Variants in ANKRD28 observed in about 807,000 individuals in gnomAD.
ANKRD28 encodes the protein ankyrin repeat domain 28.
In ANKRD28, 44 loss-of-function variants were observed where a neutral mutation model predicts 126.5. The ratio of observed to expected loss-of-function variants is 0.35; its 90% CI spans 0.27 to 0.45. The LOEUF (loss-of-function observed/expected upper bound fraction) is 0.45. Ranked by LOEUF, ANKRD28 falls within the 20% of genes least tolerant of loss-of-function variation. The pLI is 1.00. For synonymous variants in ANKRD28, 442 were observed against 468.5 expected, an observed-to-expected ratio of 0.94 and a Z score of 0.73; for missense variants, 1,110 against 1,316.6, an observed-to-expected ratio of 0.84 and a Z score of 2.43.
At chr3:15,706,522 C>T (rs145960089) in intron 14 of ANKRD28, among the ~76,000 whole-genome samples, 6,608 of 152,198 alleles carry the variant, frequency 0.043, 390 homozygotes, top group African/African-American at 0.14. Flanking sequence ...CAAGTCTTTG[C>T]TATTGTGAAT....
In ANKRD28 at chr3:15,796,643, G is replaced by GTTTT. The variant is rs34139082; in HGVS notation, c.-126_-123dup. 6.5e-4 allele frequency: 593 copies of GTTTT among 909,304 alleles called. No homozygotes were observed. The highest frequency in any genetic ancestry group is 7.3e-4 in the Non-Finnish European group (558 of 761,576). The allele number at this position is 909,304 out of a possible 1,614,324, so 56.3% of individuals were successfully genotyped here. ...AACATTCTCTGAACAGCACAGCTGG[G>GTTTT]TTTTTTTTTTTTTTAAAGTTAATAA... On this transcript the variant is annotated 5_prime_UTR_variant, in exon 1 of 28. Transcript: ENST00000683139.
chr3:15,808,113 A>G (rs1270873873), intron 1 of ANKRD28, among the ~76,000 whole-genome samples: 1 of 152,232 alleles, frequency 6.6e-6, no homozygotes, highest in Non-Finnish European at 1.5e-5. Context: ...ACTGGATTCT[A>G]ACCCAGACCC....
chr3:15,723,335 T>G (rs2073918569), intron 7 of ANKRD28, among the ~76,000 whole-genome samples: 1 of 152,244 alleles, frequency 6.6e-6, no homozygotes, highest in Non-Finnish European at 1.5e-5. Flanking sequence ...GGCTATCACC[T>G]ACTTTTCTTA....
At chr3:15,716,444 A>G (rs2073059207) in intron 8 of ANKRD28, among the ~76,000 whole-genome samples, 1 of 151,730 alleles carries the variant, frequency 6.6e-6, no homozygotes, top group Admixed American at 6.6e-5. Flanking sequence ...GGCATGTAAC[A>G]TTACACCTGG....
chr3:15,694,774 C>G lies in ANKRD28; in HGVS notation c.1726G>C (p.Asp576His). The change falls in exon 17 of 28, where the codon GAT becomes CAT. Residue 576 changes from aspartate to histidine, a missense_variant. Asp to His is a moderately conservative substitution (Grantham distance 81). Transcript: ENST00000683139. The stretch of plus-strand genomic sequence containing the variant: ...AAAGGGCTTATTGTTGCTCTATTAT[C>G]TGAATCACTCAGCATGTCTGTTCCT... ...TSGTDMLSDS[D>H]NRATISPLHL... 6.2e-7 allele frequency: 1 copy of G among 1,613,512 alleles called. No individual in the cohort carries two copies. The highest frequency in any genetic ancestry group is 1.1e-5 in the South Asian group (1 of 91,066).
At chr3:15,689,106 T>C (rs973035467) in intron 18 of ANKRD28, among the ~76,000 whole-genome samples, 7 of 152,246 alleles carry the variant, frequency 4.6e-5, no homozygotes, top group African/African-American at 1.4e-4. Flanking sequence ...ACAATCATTT[T>C]ACCACTTAAA....
intron 6 of ANKRD28, among the ~76,000 whole-genome samples, chr3:15,726,836 G>A (rs1355503389): frequency 6.6e-6 from 1 of 152,176 alleles, no homozygotes; most frequent in Admixed American, 6.5e-5. Context: ...AGAGGCTAAC[G>A]CAGCTAATGA....
intron 21 of ANKRD28, among the ~76,000 whole-genome samples, chr3:15,681,095 A>G (rs2067493521): frequency 6.6e-6 from 1 of 152,228 alleles, no homozygotes; most frequent in South Asian, 2.1e-4. Flanking sequence ...CACTGACAGC[A>G]AAACTCCATA....
chr3:15,740,845 G>A (rs779063306), intron 4 of ANKRD28, among the ~76,000 whole-genome samples: 3 of 152,172 alleles, frequency 2.0e-5, no homozygotes, highest in Non-Finnish European at 2.9e-5. Context: ...TAAGACACTA[G>A]AGTATCAAGA....
chr3:15,750,435 T>C (rs1482191251), intron 4 of ANKRD28, among the ~76,000 whole-genome samples: 1 of 152,202 alleles, frequency 6.6e-6, no homozygotes, highest in Non-Finnish European at 1.5e-5. Flanking sequence ...ATCGCACAGC[T>C]GAAAAGTTGC....
At position 15,709,648 on chromosome 3, in the gene ANKRD28, G is replaced by GA; in HGVS notation, c.1406+19dup. The GA allele has an allele frequency of 6.5e-7, 1 of 1,530,208 alleles. No homozygotes were observed. Among genetic ancestry groups the GA allele is most frequent in the Non-Finnish European group, 8.8e-7 (1 of 1,134,338 alleles). The allele number at this position is 1,530,208 out of a possible 1,614,324, so 94.8% of individuals were successfully genotyped here. A position where few individuals can be genotyped will look rare whatever the true frequency, so the allele number is the denominator to read the frequency against. On this transcript the variant is annotated intron_variant, in intron 13 of 27. Coordinates refer to ENST00000683139, the MANE Select transcript of ANKRD28 (RefSeq NM_001349278.2). ...ATTAAGTAAAAATAGGCTCCATAAA[G>GA]AAACTGTATCATACCCTACCTCCCA... is the stretch of plus-strand genomic sequence containing the variant.
At chr3:15,771,213 C>G (rs1341959428) in intron 2 of ANKRD28, among the ~76,000 whole-genome samples, 6 of 151,916 alleles carry the variant, frequency 3.9e-5, no homozygotes, top group Admixed American at 1.3e-4. Context: ...AGTTGGAGAC[C>G]AACCCGGCCA....
At chr3:15,717,643 A>G (rs1358349138) in intron 8 of ANKRD28, among the ~76,000 whole-genome samples, 1 of 152,152 alleles carries the variant, frequency 6.6e-6, no homozygotes, top group Non-Finnish European at 1.5e-5. Context: ...GTATTTTTTT[A>G]GGTTTAAATT....
intron 17 of ANKRD28, among the ~76,000 whole-genome samples, chr3:15,690,459 T>C (rs2068641226): frequency 6.6e-6 from 1 of 152,232 alleles, no homozygotes; most frequent in Non-Finnish European, 1.5e-5. Flanking sequence ...TGACAGGTCA[T>C]CTTTTCATGA....
intron 27 of ANKRD28, among the ~76,000 whole-genome samples, chr3:15,672,594 C>T (rs1256919648): frequency 6.6e-6 from 1 of 152,190 alleles, no homozygotes; most frequent in Non-Finnish European, 1.5e-5. Flanking sequence ...GGGAGTGCTT[C>T]ACTGCCCACA....
At chr3:15,706,622 G>A (rs577380847) in intron 14 of ANKRD28, among the ~76,000 whole-genome samples, 241 of 152,230 alleles carry the variant, frequency 1.6e-3, no homozygotes, top group Admixed American at 2.4e-3. Context: ...GGATGGCTGG[G>A]TCAAATGGTA....
In ANKRD28 at chr3:15,818,562, A is replaced by G. The variant is rs867052709; in HGVS notation, c.28-23256T>C. Among the ~76,000 whole-genome samples the G allele has an allele frequency of 7.9e-5, 12 of 152,348 alleles. No homozygotes were observed. In the Middle Eastern group the frequency reaches 0.017, roughly 216 times the overall value. On this transcript the variant is annotated intron_variant, in intron 1 of 27. Coordinates refer to the ANKRD28 transcript ENST00000399451. ...AGGAATACTCAACCTGTACATACAT[A>G]CCCTATGATAAAGTTTAACTGATAA...
At chr3:15,850,224 T>TATAGAGAGAGAGAGAGAGAGAGAGAGAG (rs1418223588) in intron 1 of ANKRD28, among the ~76,000 whole-genome samples, 1 of 35,110 alleles carries the variant, frequency 2.8e-5, no homozygotes, top group Non-Finnish European at 6.0e-5. Flanking sequence ...TATATATATA[T>TATAGAGAGAGAGAGAGAGAGAGAGAGAG]AGAGAGAGAG....
rs558122759 is a variant in ANKRD28, at chr3:15,706,790, T to C, written c.1547+1134A>G. On this transcript the variant is annotated intron_variant, in intron 14 of 27. Transcript: ENST00000683139. The stretch of plus-strand genomic sequence containing the variant: ...TTTTAATGATTGCCATTCTAACTGG[T>C]GTGAGATGGTATCTCACTGTGGTTT... Among the ~76,000 whole-genome samples, 12 of 152,336 alleles carry C rather than the reference T, an allele frequency of 7.9e-5. No homozygotes were observed. The South Asian group carries it at 2.5e-3, about 32-fold the overall frequency.
Sources: gnomAD v4.1 joint callset for allele counts (sites outside exome capture counted in the v4.1 genomes callset) on GRCh38, gnomAD v4.1.1 for gene constraint, MANE v1.5 for transcripts, NCBI Gene and HGNC (gene_info 2026-07-23, HGNC 2026-07-21) for gene names.